DNAH7: variants seen among roughly 807,000 people sequenced by gnomAD.
The protein encoded by DNAH7 is axonemal beta dynein heavy chain 7.
A neutral mutation model predicts 444.6 loss-of-function variants in DNAH7; 397 were observed. The ratio of observed to expected loss-of-function variants is 0.89; its 90% CI spans 0.82 to 0.97. The LOEUF is 0.97. DNAH7 is among the 50% of genes least tolerant of loss of function. DNAH7 has a pLI of 0.00. For synonymous variants in DNAH7, 1,636 were observed against 1,624.4 expected, an observed-to-expected ratio of 1.01 and a Z score of -0.17; for missense variants, 4,902 against 4,800.8, an observed-to-expected ratio of 1.02 and a Z score of -0.62.
chr2:195,863,502 C>T (rs1700141171), intron 41 of DNAH7, among the ~76,000 whole-genome samples: 2 of 152,292 alleles, frequency 1.3e-5, no homozygotes, highest in South Asian at 2.1e-4. Flanking sequence ...CCTTTTTCTG[C>T]TCTGCTCTGT....
chr2:196,006,141 T>G (rs536374385), intron 10 of DNAH7, among the ~76,000 whole-genome samples: 1 of 152,118 alleles, frequency 6.6e-6, no homozygotes, highest in East Asian at 1.9e-4. Context: ...CAGTGAGACC[T>G]TGTCTCTACA....
At chr2:195,903,252 T>A (rs1051618789) in intron 27 of DNAH7, 11 of 152,084 alleles carry the variant, frequency 7.2e-5, no homozygotes, top group African/African-American at 2.7e-4. Context: ...AAAAAAAAAT[T>A]AAGCAATAAC....
chr2:195,926,085 C>A (rs1229769208), intron 22 of DNAH7, among the ~76,000 whole-genome samples: 1 of 152,022 alleles, frequency 6.6e-6, no homozygotes, highest in African/African-American at 2.4e-5. Context: ...AATACTGTTA[C>A]TTTATTTCCT....
intron 19 of DNAH7, 106 bp downstream of exon 19, chr2:195,957,155 C>T: frequency 2.1e-6 from 2 of 961,494 alleles, no homozygotes; most frequent in South Asian, 6.1e-5. Flanking sequence ...ATGTATGAAA[C>T]AGATAATGGC....
In DNAH7 at chr2:195,737,931, A is replaced by AGTT. The variant is rs1465179762; in HGVS notation, c.12062_12064dup (p.Gln4021dup). ...AATGATGTCTTCTGGTTATGAATTA[A>AGTT]GTTGACATAACAGTGCTACACCTCG... On this transcript the variant is annotated inframe_insertion, in exon 65 of 65. Transcript: ENST00000312428. The AGTT allele has an allele frequency of 2.5e-6, 4 of 1,613,934 alleles. No individual in the cohort carries two copies. Among genetic ancestry groups the AGTT allele is most frequent in the Non-Finnish European group, 8.5e-7 (1 of 1,179,792 alleles).
At chr2:195,867,115 TACAG>T (rs1226828904) in intron 40 of DNAH7, among the ~76,000 whole-genome samples, 1 of 152,176 alleles carries the variant, frequency 6.6e-6, no homozygotes, top group Admixed American at 6.5e-5. Flanking sequence ...AATGGACTAA[TACAG>T]GTACAACAAT....
Position 195,997,340 on chromosome 2 carries a change from C to T in DNAH7, c.1353+3364G>A, listed in dbSNP as rs188024427. 7.2e-4 allele frequency among the ~76,000 whole-genome samples: 110 copies of T among 152,110 alleles called. 1 individual carries two copies. Among genetic ancestry groups the T allele is most frequent in the South Asian group, 2.1e-4 (1 of 4,810 alleles). Reference sequence around the variant, plus strand: ...CATCCTGGCCAACCTGGTGAAACCCCGTCTCTACTAAAAATACAAAAATTA... The same window carrying T: ...CATCCTGGCCAACCTGGTGAAACCCTGTCTCTACTAAAAATACAAAAATTA... On this transcript the variant is annotated intron_variant, in intron 12 of 64. Coordinates refer to ENST00000312428, the MANE Select transcript of DNAH7 (RefSeq NM_018897.3).
At chr2:196,028,736 G>GT (rs1169145621) in intron 5 of DNAH7, among the ~76,000 whole-genome samples, 3 of 152,132 alleles carry the variant, frequency 2.0e-5, no homozygotes, top group Non-Finnish European at 2.9e-5. Context: ...ATAATTGACT[G>GT]TATCATTCTC....
intron 9 of DNAH7, among the ~76,000 whole-genome samples, chr2:196,018,762 C>T (rs1388584613): frequency 2.6e-5 from 4 of 151,868 alleles, no homozygotes; most frequent in Admixed American, 6.6e-5. Flanking sequence ...ATAGCACAAC[C>T]GGAGGACTAC....
At chr2:195,991,891 T>C (rs1693365112) in intron 12 of DNAH7, among the ~76,000 whole-genome samples, 1 of 152,220 alleles carries the variant, frequency 6.6e-6, no homozygotes, top group African/African-American at 2.4e-5. Flanking sequence ...GATGCAAGAA[T>C]ACAGTATGGA....
chr2:195,968,481 C>G (rs1045036941), intron 17 of DNAH7, among the ~76,000 whole-genome samples: 1 of 152,066 alleles, frequency 6.6e-6, no homozygotes, highest in Non-Finnish European at 1.5e-5. Flanking sequence ...TGTGGCTGAG[C>G]TAGTATCCAA....
At chr2:195,892,917 A>T (rs1702097198) in intron 30 of DNAH7, 1 of 151,708 alleles carries the variant, frequency 6.6e-6, no homozygotes, top group African/African-American at 2.4e-5. Flanking sequence ...AACTGGAAAA[A>T]AAAAAAAAAA....
chr2:195,975,563 G>A (rs938121021), intron 15 of DNAH7, among the ~76,000 whole-genome samples: 15 of 152,082 alleles, frequency 9.9e-5, no homozygotes, highest in African/African-American at 3.4e-4. Flanking sequence ...GGCTTGAGGT[G>A]CACATGACCT....
At chr2:195,840,529 G>A (rs1030152523) in intron 47 of DNAH7, among the ~76,000 whole-genome samples, 8 of 151,564 alleles carry the variant, frequency 5.3e-5, no homozygotes, top group Non-Finnish European at 1.5e-5. Context: ...AGAAATAAAA[G>A]GCATACAGAT....
intron 5 of DNAH7, among the ~76,000 whole-genome samples, chr2:196,042,527 T>TA (rs555292432): frequency 6.6e-6 from 1 of 151,116 alleles, no homozygotes; most frequent in South Asian, 2.1e-4. Context: ...AACTACGCAA[T>TA]AAAAAAAGGG....
intron 24 of DNAH7, among the ~76,000 whole-genome samples, chr2:195,914,522 T>C (rs1263937918): frequency 1.3e-5 from 2 of 152,238 alleles, no homozygotes; most frequent in African/African-American, 4.8e-5. Flanking sequence ...CCAGTACAAC[T>C]GCATTGTTCT....
At chr2:195,916,082 T>C (rs1237663080) in intron 24 of DNAH7, among the ~76,000 whole-genome samples, 1 of 152,188 alleles carries the variant, frequency 6.6e-6, no homozygotes, top group Non-Finnish European at 1.5e-5. Flanking sequence ...AGACAGTCTT[T>C]TCAACAAATG....
intron 20 of DNAH7, among the ~76,000 whole-genome samples, chr2:195,936,012 A>G (rs757230953): frequency 9.1e-4 from 138 of 152,204 alleles, no homozygotes; most frequent in Non-Finnish European, 7.8e-4. Context: ...CCATCATGAG[A>G]GCAGTGGCTT....
intron 19 of DNAH7, 49 bp from the exon 20 acceptor site, chr2:195,936,841 C>G (rs574496928): frequency 1.2e-5 from 15 of 1,260,756 alleles, no homozygotes; most frequent in African/African-American, 9.2e-5. Flanking sequence ...TAGATACTAA[C>G]TCTATTTATA....
Sources: gnomAD v4.1 joint callset for allele counts (sites outside exome capture counted in the v4.1 genomes callset) on GRCh38, gnomAD v4.1.1 for gene constraint, MANE v1.5 for transcripts, NCBI Gene and HGNC (gene_info 2026-07-23, HGNC 2026-07-21) for gene names.